Variants in DMD observed in about 807,000 individuals in gnomAD.
The protein encoded by DMD is mutant dystrophin.
A neutral mutation model predicts 330.1 loss-of-function variants in DMD; 63 were observed. The observed-to-expected ratio is 0.19, with a 90% CI of 0.16 to 0.24. The LOEUF is 0.24. Among genes scored for constraint, DMD ranks in the 10% least tolerant of loss-of-function variants. The pLI is 1.00. For synonymous variants in DMD, 1,223 were observed against 959.8 expected (o/e 1.27, Z -5.07); for missense variants, 3,344 against 2,684.1 (o/e 1.25, Z -5.43).
At chrX:32,425,860 G>A (rs1192492661) in intron 29 of DMD, among the ~76,000 whole-genome samples, 2 of 111,290 alleles carry the variant, frequency 1.8e-5, no homozygotes, top group East Asian at 2.8e-4. Flanking sequence ...TCTGATCTTC[G>A]ACAAAGCCGA....
chrX:32,614,538 A>C lies in DMD; in HGVS notation c.1332-85T>G. The C allele has an allele frequency of 4.7e-6, 4 of 851,920 alleles. No homozygotes were observed. In the East Asian group the frequency reaches 1.0e-4, roughly 22 times the overall value. The allele number at this position is 851,920 out of a possible 1,213,427, so 70.2% of individuals were successfully genotyped here. On this transcript the variant is annotated intron_variant, in intron 11 of 78. Coordinates refer to ENST00000357033, the MANE Select transcript of DMD (RefSeq NM_004006.3). Reference sequence around the variant, plus strand: ...ACAATGTAAAACAATAGAATTTATAATATATGGAATGTTCGCATTTGGGGG... The same window carrying C: ...ACAATGTAAAACAATAGAATTTATACTATATGGAATGTTCGCATTTGGGGG...
At chrX:31,434,408 CAG>C (rs2064314756) in intron 60 of DMD, among the ~76,000 whole-genome samples, 4 of 73,265 alleles carry the variant, frequency 5.5e-5, no homozygotes, top group Admixed American at 3.4e-4. Context: ...ACCCTTACTG[CAG>C]CGCGCGCGCA....
At chrX:32,500,987 A>T (rs1171794647) in intron 19 of DMD, among the ~76,000 whole-genome samples, 1 of 112,114 alleles carries the variant, frequency 8.9e-6, no homozygotes, top group African/African-American at 3.2e-5. Context: ...TCTTCTACAA[A>T]ATGAAAAATA....
chrX:32,028,825 T>C (rs2095864423), intron 44 of DMD, among the ~76,000 whole-genome samples: 2 of 111,472 alleles, frequency 1.8e-5, no homozygotes, highest in Non-Finnish European at 3.8e-5. Flanking sequence ...ATTTTTTTTT[T>C]GTGCAGTGTT....
intron 9 of DMD, among the ~76,000 whole-genome samples, chrX:32,661,375 G>T (rs1245171636): frequency 9.6e-6 from 1 of 104,056 alleles, no homozygotes; most frequent in Non-Finnish European, 1.9e-5. Flanking sequence ...GATGATTATT[G>T]TCTACATTTT....
intron 52 of DMD, among the ~76,000 whole-genome samples, chrX:31,705,043 G>A (rs2084078999): frequency 8.9e-6 from 1 of 112,208 alleles, no homozygotes; most frequent in Non-Finnish European, 1.9e-5. Flanking sequence ...GGCCTTGTGA[G>A]TTATGGTAAA....
chrX:32,645,020 G>C lies in DMD; in HGVS notation c.1093C>G (p.Gln365Glu), dbSNP rs794726993. ...TCCACATCATTAGAAATCTCTCCTT[G>C]TGCTTGCAATGTGTCCTCAGCAGAA... ...LLSAEDTLQA[Q>E]GEISNDVEVV... is the part of the protein sequence containing the mutation. Residue 365 changes from glutamine to glutamate, a missense_variant, in exon 10 of 79, where the codon CAA becomes GAA. Transcript: ENST00000357033. 8.3e-7 allele frequency: 1 copy of C among 1,211,321 alleles called. No homozygotes were observed. The highest frequency in any genetic ancestry group is 3.0e-5 in the East Asian group (1 of 33,815).
intron 15 of DMD, among the ~76,000 whole-genome samples, chrX:32,572,903 TAA>T (rs916006363): frequency 3.6e-5 from 4 of 110,885 alleles, no homozygotes; most frequent in Non-Finnish European, 7.6e-5. Context: ...TCTGGTTGTT[TAA>T]AAGAGTCTGG....
chrX:31,404,296 A>G (rs2061322209), intron 60 of DMD, among the ~76,000 whole-genome samples: 1 of 111,763 alleles, frequency 8.9e-6, no homozygotes, highest in African/African-American at 3.2e-5. Flanking sequence ...CATACACTCC[A>G]GACTTTCTGT....
intron 16 of DMD, among the ~76,000 whole-genome samples, chrX:32,562,738 C>G (rs2051170506): frequency 8.9e-6 from 1 of 111,956 alleles, no homozygotes; most frequent in African/African-American, 3.2e-5. Context: ...GTCAATTTAA[C>G]ATGGATAAAA....
chrX:32,571,875 T>G (rs1225161714), intron 15 of DMD, among the ~76,000 whole-genome samples: 2 of 101,965 alleles, frequency 2.0e-5, no homozygotes, highest in African/African-American at 7.7e-5. Context: ...ATGTTTCTCT[T>G]CTTATCTTAA....
At chrX:31,578,184 G>A (rs770633430) in intron 55 of DMD, among the ~76,000 whole-genome samples, 2 of 111,688 alleles carry the variant, frequency 1.8e-5, no homozygotes, top group African/African-American at 6.5e-5. Flanking sequence ...GTAGGCATCA[G>A]AGATTTATAG....
chrX:32,566,131 T>C lies in DMD; in HGVS notation c.1813-250A>G, dbSNP rs181511876. 2.7e-5 allele frequency among the ~76,000 whole-genome samples: 3 copies of C among 112,182 alleles called. No individual in the cohort carries two copies. In the East Asian group the frequency reaches 8.4e-4, roughly 31 times the overall value. On this transcript the variant is annotated intron_variant, in intron 15 of 78. Transcript: ENST00000357033. ...AGAATAAAGACCTACTAGAGGTAAT[T>C]AAGAGCTACCTTGAAATATTTGAAG...
At chrX:31,683,647 G>A (rs1446872506) in intron 52 of DMD, among the ~76,000 whole-genome samples, 2 of 111,298 alleles carry the variant, frequency 1.8e-5, no homozygotes, top group African/African-American at 6.5e-5. Context: ...ATGGACTCCT[G>A]GAAAATACAA....
chrX:32,148,313 C>T (rs555504953), intron 44 of DMD, among the ~76,000 whole-genome samples: 4 of 111,283 alleles, frequency 3.6e-5, no homozygotes, highest in East Asian at 2.8e-4. Context: ...ATTATGACTA[C>T]ATCAGAAGAT....
intron 50 of DMD, among the ~76,000 whole-genome samples, chrX:31,795,577 C>T (rs1286766404): frequency 8.9e-6 from 1 of 111,978 alleles, no homozygotes; most frequent in East Asian, 2.8e-4. Context: ...CTGGAGCCAG[C>T]TTTAACCTCT....
intron 52 of DMD, among the ~76,000 whole-genome samples, chrX:31,685,371 C>G (rs1284948550): frequency 1.8e-5 from 2 of 111,828 alleles, no homozygotes; most frequent in African/African-American, 6.5e-5. Context: ...AATAATTCTA[C>G]TCTTTTTCCC....
chrX:31,538,829 T>C, intron 55 of DMD, among the ~76,000 whole-genome samples: 1 of 111,159 alleles, frequency 9.0e-6, no homozygotes, highest in Middle Eastern at 4.6e-3. Context: ...CAGAGGGCCA[T>C]GAACAGCTGT....
At chrX:32,729,254 T>C (rs1296117376) in intron 7 of DMD, among the ~76,000 whole-genome samples, 1 of 111,984 alleles carries the variant, frequency 8.9e-6, no homozygotes, top group East Asian at 2.8e-4. Context: ...TATTCCAAAC[T>C]GAAAATATCC....
Sources: gnomAD v4.1 joint callset for allele counts (sites outside exome capture counted in the v4.1 genomes callset) on GRCh38, gnomAD v4.1.1 for gene constraint, MANE v1.5 for transcripts, NCBI Gene and HGNC (gene_info 2026-07-23, HGNC 2026-07-21) for gene names.